The following LRP2 variants were observed in gnomAD, a reference collection of about 807,000 sequenced individuals.
The protein encoded by LRP2 is low-density lipoprotein receptor-related protein 2.
LRP2 carries 172 observed loss-of-function variants against 531.0 expected under a neutral mutation model. The ratio of observed to expected loss-of-function variants is 0.32; its 90% CI spans 0.29 to 0.37. The LOEUF is 0.37. LRP2 is among the 10% of genes least tolerant of loss of function. The pLI, the probability that LRP2 is intolerant of heterozygous loss-of-function variation, is 1.00. For synonymous variants in LRP2, 1,992 were observed against 2,027.6 expected (o/e 0.98, Z 0.47); for missense variants, 5,167 against 5,868.3 (o/e 0.88, Z 3.90).
chr2:169,277,159 A>ACTTCAGC (rs1683577877), intron 13 of LRP2, among the ~76,000 whole-genome samples: 1 of 146,928 alleles, frequency 6.8e-6, no homozygotes, highest in Non-Finnish European at 1.5e-5. Flanking sequence ...GCATCACTGC[A>ACTTCAGC]CTTCAGCCTG....
intron 46 of LRP2, among the ~76,000 whole-genome samples, chr2:169,194,716 CTTTTT>C (rs869249150): frequency 9.7e-6 from 1 of 102,988 alleles, no homozygotes; most frequent in Non-Finnish European, 1.9e-5. Flanking sequence ...TTGATCCAGA[CTTTTT>C]TTTTTTTTTT....
chr2:169,196,817 C>A, intron 46 of LRP2, 94 bp downstream of exon 46: 1 of 1,550,364 alleles, frequency 6.5e-7, no homozygotes, highest in Non-Finnish European at 8.9e-7. Context: ...AAGCATTCAG[C>A]AGCCATGACC....
chr2:169,241,387 A>G, intron 24 of LRP2, 22 bp from the exon 25 acceptor site: 1 of 1,613,520 alleles, frequency 6.2e-7, no homozygotes, highest in South Asian at 1.1e-5. Flanking sequence ...ACATGGGGTA[A>G]ATCGGCTTGT....
chr2:169,357,330 T>TTTTATTTTA (rs1686021658), intron 1 of LRP2, among the ~76,000 whole-genome samples: 1 of 145,562 alleles, frequency 6.9e-6, no homozygotes, highest in Admixed American at 6.8e-5. Context: ...TTTTATTTTA[T>TTTTATTTTA]TTTATTTTAT....
rs79221306 is a variant in LRP2 at position 169,273,981 on chromosome 2, T to G, written c.1976-914A>C. 3.4e-3 allele frequency among the ~76,000 whole-genome samples: 515 copies of G among 152,268 alleles called. 1 individual carries two copies. The highest frequency in any genetic ancestry group is 0.012 in the African/African-American group (497 of 41,558). On this transcript the variant is annotated intron_variant, in intron 14 of 78. Transcript: ENST00000649046. ...ATAAAATATCTATTTTTAGACAAGT[T>G]TATACTTTCCCAGGATGATGACATT...
Position 169,284,256 on chromosome 2 carries a change from C to CTCTTTTTTTTTTTTTTTTTTTT in LRP2, c.1043-1256_1043-1255insAAAAAAAAAAAAAAAAAAAAGA, listed in dbSNP as rs1553508684. Among the ~76,000 whole-genome samples, 21 of 96,668 alleles carry CTCTTTTTTTTTTTTTTTTTTTT rather than the reference C, an allele frequency of 2.2e-4. 1 individual carries two copies. Among genetic ancestry groups the CTCTTTTTTTTTTTTTTTTTTTT allele is most frequent in the East Asian group, 2.7e-4 (1 of 3,662 alleles). 63.4% of individuals were successfully genotyped at this position (96,668 alleles called of 152,430 possible). On this transcript the variant is annotated intron_variant, in intron 9 of 78. Coordinates refer to ENST00000649046, the MANE Select transcript of LRP2 (RefSeq NM_004525.3). ...CTTTTCTTTTCTTTTTCTTTTTTTT[C>CTCTTTTTTTTTTTTTTTTTTTT]TTTTTTTTTTTTTTTTTTTTTTTTT...
chr2:169,221,378 C>T (rs1035715607), intron 33 of LRP2, among the ~76,000 whole-genome samples: 9 of 152,018 alleles, frequency 5.9e-5, no homozygotes, highest in African/African-American at 2.2e-4. Flanking sequence ...GAAAAAGAGG[C>T]CTACAGAGGT....
chr2:169,150,810 C>A (rs1686090123), intron 68 of LRP2, 88 bp downstream of exon 68: 5 of 1,561,390 alleles, frequency 3.2e-6, no homozygotes, highest in Non-Finnish European at 4.4e-6. Flanking sequence ...TTCAGTTAAA[C>A]TAGGAAAAAA....
At chr2:169,245,631 C>T (rs532886545) in intron 21 of LRP2, among the ~76,000 whole-genome samples, 1 of 151,914 alleles carries the variant, frequency 6.6e-6, no homozygotes, top group Non-Finnish European at 1.5e-5. Context: ...ATACTTTTGC[C>T]TTCTGCAATA....
chr2:169,161,317 A>G (rs1378349843), intron 63 of LRP2, among the ~76,000 whole-genome samples: 1 of 152,230 alleles, frequency 6.6e-6, no homozygotes, highest in Non-Finnish European at 1.5e-5. Context: ...TGTATGTGAA[A>G]GCACTTTATG....
rs773834533 is a variant in LRP2 at position 169,172,003 on chromosome 2, G to C, written c.11263+12C>G. The C allele has an allele frequency of 5.6e-6, 9 of 1,613,894 alleles. No individual in the cohort carries two copies. The South Asian group carries it at 8.8e-5, about 16-fold the overall frequency. ...GGTGGTATATAAGGACCATAGGACT[G>C]TGAACACTCACCACAGTTTTCCTCA... is the stretch of plus-strand genomic sequence containing the variant. On this transcript the variant is annotated intron_variant, in intron 58 of 78. Transcript: ENST00000649046.
chr2:169,178,788 A>G lies in LRP2; in HGVS notation c.10170-762T>C, dbSNP rs1478083748. 2.0e-5 allele frequency among the ~76,000 whole-genome samples: 3 copies of G among 152,188 alleles called. 1 individual carries two copies. The highest frequency in any genetic ancestry group is 4.4e-5 in the Non-Finnish European group (3 of 68,032). The stretch of plus-strand genomic sequence containing the variant: ...AAAATTTAATATTTTAAAAATTTGG[A>G]ACAGATCCTAAAACTCAAACAGGAG... On this transcript the variant is annotated intron_variant, in intron 52 of 78. Transcript: ENST00000649046.
intron 16 of LRP2, among the ~76,000 whole-genome samples, chr2:169,266,087 C>A (rs1690788317): frequency 6.6e-6 from 1 of 151,826 alleles, no homozygotes; most frequent in Admixed American, 6.6e-5. Flanking sequence ...ATTGGCTGAG[C>A]AGTGAACAAT....
At chr2:169,239,259 T>A (rs923741669) in intron 26 of LRP2, among the ~76,000 whole-genome samples, 1 of 152,202 alleles carries the variant, frequency 6.6e-6, no homozygotes, top group African/African-American at 2.4e-5. Flanking sequence ...TTAAATTATA[T>A]AAAAGCCATT....
intron 1 of LRP2, among the ~76,000 whole-genome samples, chr2:169,334,722 T>A (rs1685357906): frequency 6.6e-6 from 1 of 152,206 alleles, no homozygotes; most frequent in African/African-American, 2.4e-5. Context: ...CTTCACTCAA[T>A]AAATATTTGT....
intron 4 of LRP2, among the ~76,000 whole-genome samples, chr2:169,302,178 T>C (rs529162267): frequency 6.6e-6 from 1 of 152,296 alleles, no homozygotes; most frequent in South Asian, 2.1e-4. Context: ...CATTTAATCT[T>C]TGATCACATG....
chr2:169,348,703 AG>A (rs1175466064), intron 1 of LRP2, among the ~76,000 whole-genome samples: 1 of 152,206 alleles, frequency 6.6e-6, no homozygotes, highest in Non-Finnish European at 1.5e-5. Context: ...CTGTATGTAC[AG>A]GGGAATTCTC....
At chr2:169,198,659 T>C in intron 45 of LRP2, 127 bp downstream of exon 45, 2 of 1,111,172 alleles carry the variant, frequency 1.8e-6, no homozygotes, top group South Asian at 2.5e-5. Flanking sequence ...GCCTACCACC[T>C]CTACTTAGAA....
At chr2:169,329,366 A>C (rs767863376) in intron 1 of LRP2, among the ~76,000 whole-genome samples, 1 of 152,180 alleles carries the variant, frequency 6.6e-6, no homozygotes, top group East Asian at 1.9e-4. Context: ...AACATGGTGA[A>C]ACCTGTCTCT....
Sources: gnomAD v4.1 joint callset for allele counts (sites outside exome capture counted in the v4.1 genomes callset) on GRCh38, gnomAD v4.1.1 for gene constraint, MANE v1.5 for transcripts, NCBI Gene and HGNC (gene_info 2026-07-23, HGNC 2026-07-21) for gene names.